The following TENM4 variants were observed in gnomAD, a reference collection of about 807,000 sequenced individuals.
TENM4 encodes the protein teneurin-4.
In TENM4, 82 loss-of-function variants were observed where a neutral mutation model predicts 243.3. That is an observed-to-expected ratio of 0.34 (90% confidence interval 0.28 to 0.40). TENM4 has a LOEUF of 0.40. TENM4 is among the 10% of genes least tolerant of loss of function. The probability of loss-of-function intolerance (pLI) is 1.00; values close to 1 mark genes in which losing one functional copy is unlikely to be tolerated. For missense variants in TENM4, 3,138 were observed against 3,673.3 expected (o/e 0.85, Z 3.77); for synonymous variants, 1,412 against 1,456.3 (o/e 0.97, Z 0.69).
At chr11:78,866,943 C>A (rs2136232976) in intron 9 of TENM4, among the ~76,000 whole-genome samples, 1 of 152,148 alleles carries the variant, frequency 6.6e-6, no homozygotes, top group Admixed American at 6.5e-5. Flanking sequence ...GTAATGTCAT[C>A]TTTTTAAAAA....
chr11:79,163,375 T>G (rs775672239), intron 3 of TENM4, among the ~76,000 whole-genome samples: 2 of 152,128 alleles, frequency 1.3e-5, no homozygotes, highest in African/African-American at 4.8e-5. Context: ...ACAAGCCACA[T>G]AGCCAAGAAA....
intron 20 of TENM4, 27 bp downstream of exon 20, chr11:78,738,424 G>A (rs1248102843): frequency 1.9e-6 from 3 of 1,608,160 alleles, no homozygotes; most frequent in South Asian, 2.2e-5. Flanking sequence ...GACCTTCACT[G>A]TTTCTGGCTC....
In TENM4 at chr11:79,164,706, G is replaced by A. The variant is rs1175712950; in HGVS notation, c.-162-15900C>T. Among the ~76,000 whole-genome samples the A allele has an allele frequency of 2.0e-5, 3 of 151,144 alleles. No homozygotes were observed. In the Admixed American group the frequency reaches 2.0e-4, roughly 10 times the overall value. On this transcript the variant is annotated intron_variant, in intron 3 of 33. Coordinates refer to ENST00000278550, the MANE Select transcript of TENM4 (RefSeq NM_001098816.3). ...AGGGGGAGGTATTTGAATCATGGGGGCTGATCTTTCCCATGCTATTCTCAT... is the reference window on the plus strand; with the variant it reads ...AGGGGGAGGTATTTGAATCATGGGGACTGATCTTTCCCATGCTATTCTCAT...
intron 1 of TENM4, among the ~76,000 whole-genome samples, chr11:79,359,675 C>T (rs1258846023): frequency 6.6e-6 from 1 of 151,960 alleles, no homozygotes; most frequent in East Asian, 1.9e-4. Flanking sequence ...AGAATAGGGG[C>T]AATGGGTAAA....
chr11:78,978,882 G>C (rs1857728127), intron 6 of TENM4, among the ~76,000 whole-genome samples: 1 of 151,934 alleles, frequency 6.6e-6, no homozygotes, highest in African/African-American at 2.4e-5. Context: ...TGGAGTGGAG[G>C]GCACTGAGTG....
intron 2 of TENM4, among the ~76,000 whole-genome samples, chr11:79,239,357 C>T (rs1489492272): frequency 6.6e-6 from 1 of 152,196 alleles, no homozygotes; most frequent in Non-Finnish European, 1.5e-5. Context: ...ATATTTGCTG[C>T]TGTATATTCT....
chr11:79,151,336 C>T (rs777744774), intron 3 of TENM4, among the ~76,000 whole-genome samples: 13 of 152,202 alleles, frequency 8.5e-5, no homozygotes, highest in Non-Finnish European at 1.9e-4. Flanking sequence ...GACCATGCAT[C>T]CATCTCTCCA....
chr11:78,878,369 G>C (rs1426249635), intron 9 of TENM4, among the ~76,000 whole-genome samples: 1 of 152,046 alleles, frequency 6.6e-6, no homozygotes, highest in East Asian at 1.9e-4. Flanking sequence ...GATATTAAAC[G>C]ATCCACGTCA....
chr11:78,961,819 C>T (rs1382759951), intron 6 of TENM4, among the ~76,000 whole-genome samples: 8 of 150,064 alleles, frequency 5.3e-5, no homozygotes, highest in African/African-American at 1.5e-4. Context: ...CAATCTTTGT[C>T]TCTACCTTTA....
intron 6 of TENM4, among the ~76,000 whole-genome samples, chr11:79,062,153 G>A (rs1020482282): frequency 2.6e-5 from 4 of 151,678 alleles, no homozygotes; most frequent in African/African-American, 9.7e-5. Flanking sequence ...ATAGAGATGG[G>A]GTTTTGCCAT....
At chr11:79,304,780 T>C (rs1856600628) in intron 1 of TENM4, among the ~76,000 whole-genome samples, 2 of 152,224 alleles carry the variant, frequency 1.3e-5, no homozygotes, top group African/African-American at 4.8e-5. Context: ...GGTGCTCTCA[T>C]CACAGCTGCC....
At chr11:79,036,039 T>C (rs1241330907) in intron 6 of TENM4, among the ~76,000 whole-genome samples, 2 of 152,210 alleles carry the variant, frequency 1.3e-5, no homozygotes, top group African/African-American at 4.8e-5. Flanking sequence ...AAACTAAACC[T>C]AGTATTTTCC....
intron 6 of TENM4, among the ~76,000 whole-genome samples, chr11:79,061,051 A>G (rs1860073925): frequency 6.6e-6 from 1 of 152,102 alleles, no homozygotes; most frequent in African/African-American, 2.4e-5. Flanking sequence ...GGTAAAAGGA[A>G]CCAAGACTTT....
chr11:78,987,058 A>T (rs1857935905), intron 6 of TENM4, among the ~76,000 whole-genome samples: 1 of 152,236 alleles, frequency 6.6e-6, no homozygotes, highest in Non-Finnish European at 1.5e-5. Context: ...TTTAGGTATA[A>T]TAATAAGAAC....
chr11:78,689,090 T>A (rs960002558), intron 28 of TENM4, among the ~76,000 whole-genome samples: 1 of 152,230 alleles, frequency 6.6e-6, no homozygotes, highest in African/African-American at 2.4e-5. Flanking sequence ...GTATTATCTC[T>A]TTTTTGGAGA....
intron 3 of TENM4, among the ~76,000 whole-genome samples, chr11:79,192,744 A>AT (rs1019316391): frequency 1.1e-4 from 16 of 148,958 alleles, no homozygotes; most frequent in Admixed American, 8.6e-4. Flanking sequence ...AGAATGATCA[A>AT]TAAAAAAAAA....
chr11:78,778,399 A>T (rs1856778177), intron 17 of TENM4, among the ~76,000 whole-genome samples: 1 of 151,802 alleles, frequency 6.6e-6, no homozygotes, highest in African/African-American at 2.4e-5. Flanking sequence ...GGAGAATGAC[A>T]CTCCAGGTAT....
chr11:79,398,137 C>T (rs909503240), intron 1 of TENM4, among the ~76,000 whole-genome samples: 2 of 152,132 alleles, frequency 1.3e-5, no homozygotes, highest in African/African-American at 4.8e-5. Flanking sequence ...AATGCAGCAT[C>T]GGCCCAAGTT....
At chr11:78,968,777 T>A (rs190219899) in intron 6 of TENM4, among the ~76,000 whole-genome samples, 1 of 152,202 alleles carries the variant, frequency 6.6e-6, no homozygotes, top group Non-Finnish European at 1.5e-5. Context: ...AAGGCCCAGA[T>A]GACAACCCAT....
Sources: gnomAD v4.1 joint callset for allele counts (sites outside exome capture counted in the v4.1 genomes callset) on GRCh38, gnomAD v4.1.1 for gene constraint, MANE v1.5 for transcripts, NCBI Gene and HGNC (gene_info 2026-07-23, HGNC 2026-07-21) for gene names.